The following HMG20A variants were observed in gnomAD, a reference collection of about 807,000 sequenced individuals.
The protein encoded by HMG20A is high mobility group protein 20A.
A neutral mutation model predicts 43.9 loss-of-function variants in HMG20A; 17 were observed. The observed-to-expected ratio is 0.39, with a 90% confidence interval of 0.27 to 0.58. HMG20A has a LOEUF of 0.58. Ranked by LOEUF, HMG20A falls within the 20% of genes least tolerant of loss-of-function variation. The pLI is 0.59. For missense variants in HMG20A, 341 were observed against 438.2 expected (o/e 0.78, Z 1.98); for synonymous variants, 132 against 147.5 (o/e 0.89, Z 0.76).
At chr15:77,433,137 A>G (rs571247196) in intron 1 of HMG20A, among the ~76,000 whole-genome samples, 40 of 152,262 alleles carry the variant, frequency 2.6e-4, no homozygotes, top group Non-Finnish European at 4.9e-4. Context: ...AGGAGGCCAA[A>G]GCTAGAGAAT....
intron 1 of HMG20A, among the ~76,000 whole-genome samples, chr15:77,457,696 A>C (rs1233753436): frequency 1.3e-5 from 2 of 152,084 alleles, no homozygotes; most frequent in Non-Finnish European, 2.9e-5. Flanking sequence ...ACCCAGGTGC[A>C]TGCTATTTCT....
intron 1 of HMG20A, among the ~76,000 whole-genome samples, chr15:77,443,768 C>T (rs994686136): frequency 1.3e-5 from 2 of 152,034 alleles, no homozygotes; most frequent in Non-Finnish European, 2.9e-5. Flanking sequence ...TGCAGTGGCA[C>T]GATAATGGCT....
the HMG20A span, among the ~76,000 whole-genome samples, chr15:77,519,190 A>T: frequency 6.6e-6 from 1 of 152,212 alleles, no homozygotes; most frequent in African/African-American, 2.4e-5. Flanking sequence ...AGATGCTGTC[A>T]AAGGAAGAAA....
chr15:77,443,728 C>A (rs1202572719), intron 1 of HMG20A, among the ~76,000 whole-genome samples: 1 of 148,192 alleles, frequency 6.7e-6, no homozygotes, highest in Non-Finnish European at 1.5e-5. Context: ...ATTATTACGA[C>A]AGGGTCTCAC....
chr15:77,437,867 C>T (rs772007674), intron 1 of HMG20A, among the ~76,000 whole-genome samples: 18 of 152,110 alleles, frequency 1.2e-4, no homozygotes, highest in African/African-American at 3.9e-4. Context: ...AGCCACTGTG[C>T]GCAGCCCTAA....
intron 3 of HMG20A, among the ~76,000 whole-genome samples, chr15:77,466,404 G>A (rs925446962): frequency 9.2e-5 from 14 of 152,050 alleles, no homozygotes; most frequent in Admixed American, 4.6e-4. Flanking sequence ...AAAATAAAAT[G>A]TACATCTAAA....
At chr15:77,462,023 A>G (rs1209432071) in intron 2 of HMG20A, among the ~76,000 whole-genome samples, 1 of 152,160 alleles carries the variant, frequency 6.6e-6, no homozygotes, top group Non-Finnish European at 1.5e-5. Context: ...CCTCCTGCTA[A>G]AATCATCTAT....
chr15:77,455,079 G>C (rs987744335), intron 1 of HMG20A, among the ~76,000 whole-genome samples: 10 of 151,472 alleles, frequency 6.6e-5, no homozygotes, highest in Admixed American at 6.6e-5. Context: ...AGTAAGAAAA[G>C]GGCACTTGAA....
the HMG20A span, among the ~76,000 whole-genome samples, chr15:77,516,264 A>T: frequency 6.6e-6 from 1 of 152,200 alleles, no homozygotes; most frequent in African/African-American, 2.4e-5. Flanking sequence ...CAACGATGGC[A>T]TGCATAGTCA....
chr15:77,438,034 G>T (rs1386745187), intron 1 of HMG20A, among the ~76,000 whole-genome samples: 1 of 151,766 alleles, frequency 6.6e-6, no homozygotes, highest in Non-Finnish European at 1.5e-5. Flanking sequence ...ATAACTCACT[G>T]CAGCCTTGAA....
At chr15:77,461,984 T>C (rs1038704275) in intron 2 of HMG20A, among the ~76,000 whole-genome samples, 2 of 152,200 alleles carry the variant, frequency 1.3e-5, no homozygotes, top group Non-Finnish European at 2.9e-5. Context: ...TTACTTACTC[T>C]TTTTTAAAGG....
At position 77,484,646 on chromosome 15, in the gene HMG20A, G is replaced by A. The variant is rs1285732673; in HGVS notation, c.*1683G>A. On this transcript the variant is annotated 3_prime_UTR_variant, in exon 10 of 10. Transcript: ENST00000336216. ...AACATATATCAAATATCCATGCGCTGAAACCCACATACCATCACTTGGCAA... is the reference window on the plus strand; with the variant it reads ...AACATATATCAAATATCCATGCGCTAAAACCCACATACCATCACTTGGCAA... The A allele has an allele frequency of 1.3e-5, 2 of 152,180 alleles. No individual in the cohort carries two copies. The highest frequency in any genetic ancestry group is 2.9e-5 in the Non-Finnish European group (2 of 68,042). 9.4% of individuals were successfully genotyped at this position (152,180 alleles called of 1,614,324 possible).
chr15:77,430,403 G>A (rs573842992), intron 1 of HMG20A, among the ~76,000 whole-genome samples: 140 of 152,324 alleles, frequency 9.2e-4, no homozygotes, highest in African/African-American at 3.2e-3. Context: ...CTAAGAACAG[G>A]AAAGATGAGA....
chr15:77,497,655 T>TAGAGAGAGAGAGAGAGAGAGAGAG, the HMG20A span, among the ~76,000 whole-genome samples: 4 of 128,070 alleles, frequency 3.1e-5, no homozygotes, highest in African/African-American at 1.3e-4. Flanking sequence ...GAGATATTAA[T>TAGAGAGAGAGAGAGAGAGAGAGAG]AGAGAGAGAG....
intron 2 of HMG20A, 192 bp downstream of exon 2, chr15:77,458,688 G>A: frequency 2.4e-6 from 1 of 424,408 alleles, no homozygotes. Context: ...GCAGTGCTCT[G>A]GTTTTTGTGA....
At chr15:77,464,982 G>A (rs1365078557) in intron 3 of HMG20A, among the ~76,000 whole-genome samples, 4 of 151,092 alleles carry the variant, frequency 2.6e-5, no homozygotes, top group Non-Finnish European at 5.9e-5. Flanking sequence ...AAAGCTGGCC[G>A]GGCATGGTAG....
intron 6 of HMG20A, among the ~76,000 whole-genome samples, chr15:77,473,043 C>T (rs1278949128): frequency 1.3e-5 from 2 of 152,126 alleles, no homozygotes; most frequent in African/African-American, 4.8e-5. Context: ...TTCTGATGTA[C>T]TCTTTTACAT....
At chr15:77,505,109 C>T in the HMG20A span, among the ~76,000 whole-genome samples, 2 of 152,298 alleles carry the variant, frequency 1.3e-5, no homozygotes, top group Middle Eastern at 3.4e-3. Flanking sequence ...CTCTTGAGGC[C>T]TTGGTTTCCC....
At chr15:77,453,929 G>A (rs891003574) in intron 1 of HMG20A, among the ~76,000 whole-genome samples, 4 of 151,868 alleles carry the variant, frequency 2.6e-5, no homozygotes, top group African/African-American at 9.7e-5. Context: ...CCAACAGTTC[G>A]GGAGACTGAG....
Sources: gnomAD v4.1 joint callset for allele counts (sites outside exome capture counted in the v4.1 genomes callset) on GRCh38, gnomAD v4.1.1 for gene constraint, MANE v1.5 for transcripts, NCBI Gene and HGNC (gene_info 2026-07-23, HGNC 2026-07-21) for gene names.